SCRN2: variants seen among roughly 807,000 people sequenced by gnomAD.
SCRN2 encodes secernin-2.
A neutral mutation model predicts 40.1 loss-of-function variants in SCRN2; 30 were observed. The ratio of observed to expected loss-of-function variants is 0.75; its 90% CI spans 0.56 to 1.01. The LOEUF (loss-of-function observed/expected upper bound fraction) is 1.01. Ranked by LOEUF, SCRN2 falls within the 50% of genes least tolerant of loss-of-function variation. The pLI is 0.00. For synonymous variants in SCRN2, 240 were observed against 233.5 expected (o/e 1.03, Z -0.25); for missense variants, 526 against 564.9 (o/e 0.93, Z 0.70).
chr17:47,840,737 G>T lies in SCRN2; in HGVS notation c.107C>A (p.Pro36His). 1 of 1,600,574 alleles carries T rather than the reference G, an allele frequency of 6.2e-7. No individual in the cohort carries two copies. Among genetic ancestry groups the T allele is most frequent in the South Asian group, 1.1e-5 (1 of 89,950 alleles). The change falls in exon 2 of 8, where the codon CCC (proline) becomes CAC (histidine). Residue 36 changes from proline (P) to histidine (H), a missense_variant. Pro to His is a moderately conservative substitution (Grantham distance 77). Coordinates refer to ENST00000290216, the MANE Select transcript of SCRN2 (RefSeq NM_138355.4). Reference protein sequence around the residue: ...AVIFAKNSDRPRDEVQEVVFV... With the variant: ...AVIFAKNSDRHRDEVQEVVFV... ...CACCACCTCCTGCACCTCGTCCCGG[G>T]GTCGGTCCGAGTTCTTGGCAAAGAT...
chr17:47,840,087 G>C, intron 3 of SCRN2, 104 bp downstream of exon 3: 2 of 1,183,268 alleles, frequency 1.7e-6, no homozygotes, highest in Non-Finnish European at 1.2e-6. Flanking sequence ...GAGAGGAGGA[G>C]GCCCCTGTGA....
chr17:47,839,113 C>T (rs1324220933), intron 4 of SCRN2, 107 bp from the exon 5 acceptor site: 4 of 1,199,778 alleles, frequency 3.3e-6, no homozygotes, highest in Non-Finnish European at 4.7e-6. Flanking sequence ...TACCTACCCT[C>T]ATGGAGCCTA....
At position 47,840,856 on chromosome 17, in the gene SCRN2, G is replaced by A. The variant is rs918149333; in HGVS notation, c.1-13C>T. 1 of 1,510,982 alleles carries A rather than the reference G, an allele frequency of 6.6e-7. No homozygotes were observed. Among genetic ancestry groups the A allele is most frequent in the Middle Eastern group, 1.8e-4 (1 of 5,552 alleles). 93.6% of individuals were successfully genotyped at this position (1,510,982 alleles called of 1,614,324 possible). On this transcript the variant is annotated splice_polypyrimidine_tract_variant and intron_variant, in intron 1 of 7. Coordinates refer to ENST00000290216, the MANE Select transcript of SCRN2 (RefSeq NM_138355.4). ...TCGACGACGCCATCTGGGGAGAGGCGGGCCTCTCCATAACCCTGGCCACGG... is the reference window on the plus strand; with the variant it reads ...TCGACGACGCCATCTGGGGAGAGGCAGGCCTCTCCATAACCCTGGCCACGG...
At position 47,838,543 on chromosome 17, in the gene SCRN2, G is replaced by A. The variant is rs746097359; in HGVS notation, c.926C>T (p.Pro309Leu). The A allele has an allele frequency of 1.2e-6, 2 of 1,614,080 alleles. No homozygotes were observed. The highest frequency in any genetic ancestry group is 4.5e-5 in the East Asian group (2 of 44,882). ...TCATTCTTCCCACCTGGATGGGTCT[G>A]GCGTGGCGGTAAGAAAGTGCACGCA... The part of the protein sequence containing the change: ...QPCVHFLTAT[P>L]DPSRSVFKPF... The change falls in exon 6 of 8, where the codon CCA (proline) becomes CTA (leucine). Residue 309 changes from proline to leucine, a missense_variant. By Grantham distance (98) the Pro-to-Leu change is moderately conservative. Transcript: ENST00000290216.
intron 2 of SCRN2, 135 bp from the exon 3 acceptor site, chr17:47,840,507 A>G: frequency 8.0e-7 from 1 of 1,244,726 alleles, no homozygotes; most frequent in Non-Finnish European, 1.1e-6. Context: ...AAACTGAGGT[A>G]GACTGAGGCT....
At chr17:47,841,017 TC>T in intron 1 of SCRN2, 174 bp from the exon 2 acceptor site, 2 of 531,882 alleles carry the variant, frequency 3.8e-6, no homozygotes, top group Non-Finnish European at 5.9e-6. Flanking sequence ...CTCCCCAGGC[TC>T]CAGGCTTGGG....
Position 47,840,766 on chromosome 17 carries a change from A to C in SCRN2, c.78T>G (p.Ala26=). The C allele has an allele frequency of 6.3e-7, 1 of 1,590,170 alleles. No individual in the cohort carries two copies. The highest frequency in any genetic ancestry group is 8.6e-7 in the Non-Finnish European group (1 of 1,166,454). The part of the protein sequence containing the change: ...VSVPPASAIP[A]VIFAKNSDRP... Reference sequence around the variant, plus strand: ...GGTCCGAGTTCTTGGCAAAGATCACAGCCGGGATGGCTGAGGCCGGGGGCA... The same window carrying C: ...GGTCCGAGTTCTTGGCAAAGATCACCGCCGGGATGGCTGAGGCCGGGGGCA... Residue 26 remains alanine, a synonymous_variant, in exon 2 of 8, where the codon GCT becomes GCG. Transcript: ENST00000290216.
chr17:47,840,571 ACTT>A (rs1377607453), intron 2 of SCRN2, 96 bp downstream of exon 2: 6 of 1,369,288 alleles, frequency 4.4e-6, no homozygotes, highest in Non-Finnish European at 4.9e-6. Context: ...CTCTTCCACT[ACTT>A]CTGGCAGCCT....
intron 3 of SCRN2, 58 bp from the exon 4 acceptor site, chr17:47,839,701 C>T (rs2033783155): frequency 1.9e-6 from 3 of 1,588,476 alleles, no homozygotes; most frequent in Non-Finnish European, 2.6e-6. Context: ...TGGCTGGTGG[C>T]AGAAGCTCCA....
rs576491867 is a variant in SCRN2 at position 47,838,373 on chromosome 17, T to G, written c.1016A>C (p.Gln339Pro). The change falls in exon 7 of 8, where the codon CAA becomes CCA. Residue 339 changes from glutamine to proline, a missense_variant. Transcript: ENST00000290216. ...PQVLSPTFGA[Q>P]DPVRTLPRFQ... ...TCGGGGCAGGGTCCGAACAGGGTCTTGTGCTCCAAAAGTGGGGGACAGCAC... is the reference window on the plus strand; with the variant it reads ...TCGGGGCAGGGTCCGAACAGGGTCTGGTGCTCCAAAAGTGGGGGACAGCAC... 7.1e-5 allele frequency: 115 copies of G among 1,610,452 alleles called. No individual in the cohort carries two copies. The South Asian group carries it at 1.2e-3, about 17-fold the overall frequency.
chr17:47,839,143 G>GA, intron 4 of SCRN2, 137 bp from the exon 5 acceptor site: 3 of 875,740 alleles, frequency 3.4e-6, no homozygotes, highest in Non-Finnish European at 5.2e-6. Context: ...GGGGGAGGCA[G>GA]ACAAAATAAT....
chr17:47,839,091 G>A, intron 4 of SCRN2, 85 bp from the exon 5 acceptor site: 4 of 1,447,826 alleles, frequency 2.8e-6, no homozygotes, highest in Non-Finnish European at 3.8e-6. Context: ...AGAACATGGT[G>A]GAGAAGAGAA....
rs753309612 is a variant in SCRN2 at position 47,840,263 on chromosome 17, A to G, written c.284T>C (p.Ile95Thr). ...CTTCGTCCACACAGCCTCGTTGCCA[A>G]TGCAGACACCATGCTCGTTGGCGCC... ...EMGANEHGVC[I>T]GNEAVWTKEP... The change falls in exon 3 of 8, where the codon ATT becomes ACT. Residue 95 changes from isoleucine to threonine, a missense_variant. Transcript: ENST00000290216. 4 of 1,614,064 alleles carry G rather than the reference A, an allele frequency of 2.5e-6. No individual in the cohort carries two copies. The highest frequency in any genetic ancestry group is 2.7e-5 in the African/African-American group (2 of 74,942).
In SCRN2 at chr17:47,838,970, C is replaced by T. The variant is rs760071512; in HGVS notation, c.593G>A (p.Gly198Asp). 6.8e-5 allele frequency: 109 copies of T among 1,613,892 alleles called. No individual in the cohort carries two copies. In the Admixed American group the frequency reaches 8.7e-4, roughly 13 times the overall value. Residue 198 changes from glycine to aspartate, a missense_variant, in exon 5 of 8, where the codon GGC becomes GAC. Gly to Asp is a moderately conservative substitution (Grantham distance 94). Coordinates refer to ENST00000290216, the MANE Select transcript of SCRN2 (RefSeq NM_138355.4). ...CGGGTGTTGGGCCGAGATGTCCGTG[C>T]CAATGCTCAGCTGGTTGGAGATGTT... is the stretch of plus-strand genomic sequence containing the variant. ...ARNISNQLSI[G>D]TDISAQHPEL...
Position 47,839,000 on chromosome 17 carries a change from G to A in SCRN2, c.563C>T (p.Ala188Val), listed in dbSNP as rs544440097. 4.3e-6 allele frequency: 7 copies of A among 1,613,810 alleles called. No homozygotes were observed. The Admixed American group carries it at 8.3e-5, about 19-fold the overall frequency. Residue 188 changes from alanine to valine, a missense_variant, in exon 5 of 8, where the codon GCC becomes GTC. Physicochemically the swap from Ala to Val is moderately conservative, Grantham distance 64 (BLOSUM62 0). Transcript: ENST00000290216. ...LWAAQRIQEG[A>V]RNISNQLSIG... Reference sequence around the variant, plus strand: ...GCTCAGCTGGTTGGAGATGTTGCGGGCCCCCTCTGTGGAGGAGATCGGGGA... The same window carrying A: ...GCTCAGCTGGTTGGAGATGTTGCGGACCCCCTCTGTGGAGGAGATCGGGGA...
Position 47,837,798 on chromosome 17 carries a change from C to A in SCRN2, c.*46G>T, listed in dbSNP as rs1247018733. ...TTTACCACCACTCAGGGCACCCAGG[C>A]CCCAGGGGTCCTGGGTCCACCCCAG... On this transcript the variant is annotated 3_prime_UTR_variant, in exon 8 of 8. Coordinates refer to ENST00000290216, the MANE Select transcript of SCRN2 (RefSeq NM_138355.4). The A allele has an allele frequency of 2.6e-6, 4 of 1,540,428 alleles. No homozygotes were observed. The highest frequency in any genetic ancestry group is 2.1e-5 in the Admixed American group (1 of 47,258).
In SCRN2 at chr17:47,838,252, C is replaced by T. The variant is rs1448663521; in HGVS notation, c.1119+18G>A. ...GTCTATCATCCCCTCAAGGTAGCCCCTACTCCCTGGGGGATACCTGATCTC... is the reference window on the plus strand; with the variant it reads ...GTCTATCATCCCCTCAAGGTAGCCCTTACTCCCTGGGGGATACCTGATCTC... On this transcript the variant is annotated intron_variant, in intron 7 of 7. Transcript: ENST00000290216. 1 of 1,581,716 alleles carries T rather than the reference C, an allele frequency of 6.3e-7. No individual in the cohort carries two copies. Among genetic ancestry groups the T allele is most frequent in the Non-Finnish European group, 8.6e-7 (1 of 1,168,746 alleles).
At chr17:47,839,372 C>A in intron 4 of SCRN2, 72 bp downstream of exon 4, 1 of 1,506,598 alleles carries the variant, frequency 6.6e-7, no homozygotes, top group Non-Finnish European at 9.1e-7. Context: ...CAGGCTTGCA[C>A]CTGGATCGGG....
intron 3 of SCRN2, 41 bp downstream of exon 3, chr17:47,840,150 T>G (rs2033790444): frequency 6.3e-7 from 1 of 1,582,840 alleles, no homozygotes; most frequent in East Asian, 2.3e-5. Flanking sequence ...GCCCCTAGAT[T>G]TCTGGTGTGT....
Sources: gnomAD v4.1 joint callset for allele counts on GRCh38, gnomAD v4.1.1 for gene constraint, MANE v1.5 for transcripts, NCBI Gene and HGNC (gene_info 2026-07-23, HGNC 2026-07-21) for gene names.